Variants in ZNF395 observed in about 807,000 individuals in gnomAD.
ZNF395 encodes zinc finger protein 395.
A neutral mutation model predicts 57.7 loss-of-function variants in ZNF395; 20 were observed. The observed-to-expected ratio is 0.35, with a 90% CI of 0.24 to 0.50. ZNF395 has a LOEUF of 0.50. Among genes scored for constraint, ZNF395 ranks in the 20% least tolerant of loss-of-function variants. The pLI, the probability that ZNF395 is intolerant of heterozygous loss-of-function variation, is 0.97. For synonymous variants in ZNF395, 295 were observed against 275.9 expected, an observed-to-expected ratio of 1.07 and a Z score of -0.69; for missense variants, 606 against 671.2, an observed-to-expected ratio of 0.90 and a Z score of 1.07.
chr8:28,375,447 C>T (rs1394038236), intron 1 of ZNF395: 3 of 151,076 alleles, frequency 2.0e-5, no homozygotes, highest in African/African-American at 4.9e-5. Context: ...CTGAGCAAAA[C>T]TAACTTATGG....
chr8:28,361,258 C>A (rs1384538700), intron 1 of ZNF395, 76 bp from the exon 2 acceptor site: 2 of 1,246,358 alleles, frequency 1.6e-6, no homozygotes, highest in Non-Finnish European at 2.2e-6. Flanking sequence ...AATAAGTGAA[C>A]CCTTTAAAGT....
rs1336625843 is a variant in ZNF395, at chr8:28,348,823, G to T, written c.1438C>A (p.Arg480=). The T allele has an allele frequency of 6.2e-7, 1 of 1,613,946 alleles. No homozygotes were observed. Among genetic ancestry groups the T allele is most frequent in the South Asian group, 1.1e-5 (1 of 91,084 alleles). ...TTGCGGCACTTCTTAGCCTCCCCTC[G>T]GGCTTTCCTGCAGAAAGAGAGGAAT... is the stretch of plus-strand genomic sequence containing the variant. ...PRAQSGARKA[R]GEAKKCRKVY... The change falls in exon 10 of 10, where the codon CGA becomes AGA. Residue 480 remains arginine, a synonymous_variant. Transcript: ENST00000344423.
Position 28,356,876 on chromosome 8 carries a change from A to G in ZNF395, c.474-97T>C. 1 of 935,696 alleles carries G rather than the reference A, an allele frequency of 1.1e-6. No homozygotes were observed. Among genetic ancestry groups the G allele is most frequent in the Non-Finnish European group, 1.6e-6 (1 of 608,810 alleles). The allele number at this position is 935,696 out of a possible 1,614,324, so 58.0% of individuals were successfully genotyped here. The stretch of plus-strand genomic sequence containing the variant: ...CACCACTTCTGGCTGGTTTCACACA[A>G]TCATCTTACACTTCTGGACTGTCCC... On this transcript the variant is annotated intron_variant, in intron 3 of 9. Coordinates refer to ENST00000344423, the MANE Select transcript of ZNF395 (RefSeq NM_018660.3). This position sits in a 1 kb window ranked among gnomAD's most constrained non-coding sequence, Gnocchi z 4.0.
rs1030076061 is a variant in ZNF395, at chr8:28,352,209, G to A, written c.920+364C>T. On this transcript the variant is annotated intron_variant, in intron 6 of 9. Transcript: ENST00000344423. This position sits in a 1 kb window ranked among gnomAD's most constrained non-coding sequence, Gnocchi z 4.0. The stretch of plus-strand genomic sequence containing the variant: ...AGAACACGGCGGAGGCACCAGGGTG[G>A]GGCTAGCGGAGACCCACTCCCAAGG... Among the ~76,000 whole-genome samples, 1 of 152,194 alleles carries A rather than the reference G, an allele frequency of 6.6e-6. No homozygotes were observed. Among genetic ancestry groups the A allele is most frequent in the Non-Finnish European group, 1.5e-5 (1 of 68,026 alleles).
chr8:28,372,782 T>G (rs1429403787), intron 1 of ZNF395, among the ~76,000 whole-genome samples: 1 of 152,140 alleles, frequency 6.6e-6, no homozygotes, highest in Non-Finnish European at 1.5e-5. Context: ...TGAGACCCTG[T>G]CTCAGGGCCG....
chr8:28,348,756 C>T lies in ZNF395; in HGVS notation c.1505G>A (p.Cys502Tyr), dbSNP rs1418780246. 1 of 1,614,126 alleles carries T rather than the reference C, an allele frequency of 6.2e-7. No individual in the cohort carries two copies. The highest frequency in any genetic ancestry group is 1.7e-5 in the Admixed American group (1 of 60,030). The change falls in exon 10 of 10, where the codon TGC (cysteine) becomes TAC (tyrosine). Residue 502 changes from cysteine to tyrosine, a missense_variant. By Grantham distance (194) the Cys-to-Tyr change is radical. Coordinates refer to ENST00000344423, the MANE Select transcript of ZNF395 (RefSeq NM_018660.3). ...GCGCTGGCAGGCCTTCTTCCACCGG[C>T]AGGCCGTGCACCACTGGTCCCGGTG... is the stretch of plus-strand genomic sequence containing the variant. Reference protein sequence around the residue: ...IEHRDQWCTACRWKKACQRFL... With the variant: ...IEHRDQWCTAYRWKKACQRFL...
At chr8:28,381,014 AGTGTGTGTGTGTGTGTGTGTGTGT>A (rs10561721) in intron 1 of ZNF395, among the ~76,000 whole-genome samples, 2 of 134,212 alleles carry the variant, frequency 1.5e-5, no homozygotes, top group Non-Finnish European at 3.2e-5. Flanking sequence ...ACACCCTGCT[AGTGTGTGTGTGTGTGTGTGTGTGT>A]GTGTGTGTGT....
chr8:28,369,592 C>A (rs1200454381), intron 1 of ZNF395, among the ~76,000 whole-genome samples: 1 of 152,210 alleles, frequency 6.6e-6, no homozygotes, highest in African/African-American at 2.4e-5. Context: ...TGACTAGGTG[C>A]CTGCCCCGCT....
rs778473655 is a variant in ZNF395, at chr8:28,351,768, A to G, written c.960T>C (p.Asp320=). Residue 320 remains aspartate, a synonymous_variant, in exon 7 of 10, where the codon GAT becomes GAC. Coordinates refer to ENST00000344423, the MANE Select transcript of ZNF395 (RefSeq NM_018660.3). ...VDSDQFKREE[D]FYYTEVQLKE... ...TCAGCTGCACCTCTGTGTAGTAGAA[A>G]TCCTCCTCCCGCTTGAACTGATCAG... is the stretch of plus-strand genomic sequence containing the variant. 4 of 1,591,022 alleles carry G rather than the reference A, an allele frequency of 2.5e-6. No homozygotes were observed. In the East Asian group the frequency reaches 8.9e-5, roughly 36 times the overall value.
chr8:28,384,689 G>A (rs1315180144), intron 1 of ZNF395, among the ~76,000 whole-genome samples: 2 of 151,910 alleles, frequency 1.3e-5, no homozygotes, highest in Non-Finnish European at 2.9e-5. Context: ...TGGGCCCTAC[G>A]GGTGAGTTAC....
chr8:28,364,414 G>A lies in ZNF395; in HGVS notation c.-58-3232C>T, dbSNP rs147524535. Among the ~76,000 whole-genome samples, 11 of 152,312 alleles carry A rather than the reference G, an allele frequency of 7.2e-5. No individual in the cohort carries two copies. In the Middle Eastern group the frequency reaches 0.014, roughly 188 times the overall value. The stretch of plus-strand genomic sequence containing the variant: ...GCCTGTAATCCCAAACACTTTGGGA[G>A]GCCAAGGCAGGCAGATCACTTGAGG... On this transcript the variant is annotated intron_variant, in intron 1 of 9. Transcript: ENST00000344423.
chr8:28,349,756 G>A (rs1459403729), intron 8 of ZNF395, among the ~76,000 whole-genome samples: 5 of 152,134 alleles, frequency 3.3e-5, no homozygotes, highest in African/African-American at 4.8e-5. Flanking sequence ...AAACACCCAC[G>A]GGCACTAGGA....
chr8:28,357,932 G>A (rs1038278431), intron 3 of ZNF395, among the ~76,000 whole-genome samples: 11 of 152,032 alleles, frequency 7.2e-5, no homozygotes, highest in Non-Finnish European at 1.5e-4. Flanking sequence ...ATATAACATA[G>A]AAATTAGGAT....
At chr8:28,362,578 A>T (rs73230930) in intron 1 of ZNF395, among the ~76,000 whole-genome samples, 1 of 151,410 alleles carries the variant, frequency 6.6e-6, no homozygotes, top group Non-Finnish European at 1.5e-5. Context: ...CCTGAAGAAG[A>T]CACCTGTGGC....
At chr8:28,367,914 A>C (rs1478629761) in intron 1 of ZNF395, among the ~76,000 whole-genome samples, 1 of 152,234 alleles carries the variant, frequency 6.6e-6, no homozygotes, top group African/African-American at 2.4e-5. Context: ...TGCTTCCAAG[A>C]CAGGGTTTCC....
In ZNF395 at chr8:28,359,620, C is replaced by T. The variant is rs181216049; in HGVS notation, c.445G>A (p.Val149Ile). Residue 149 changes from valine (V) to isoleucine (I), a missense_variant, in exon 3 of 10, where the codon GTC becomes ATC. Transcript: ENST00000344423. This position sits in a 1 kb window ranked among gnomAD's most constrained non-coding sequence, Gnocchi z 4.7. ...TTTGGGACATCGATGTTCCTGGAGA[C>T]GGGCCTGTAGGCCAGGGCCTGGGCT... ...PGAQALAYRP[V>I]SRNIDVPKRK... The T allele has an allele frequency of 3.1e-5, 50 of 1,606,210 alleles. No homozygotes were observed. The highest frequency in any genetic ancestry group is 1.2e-4 in the Admixed American group (7 of 59,230).
Position 28,353,162 on chromosome 8 carries a change from C to A in ZNF395, c.819+11G>T, listed in dbSNP as rs779513576. On this transcript the variant is annotated intron_variant, in intron 5 of 9. Coordinates refer to ENST00000344423, the MANE Select transcript of ZNF395 (RefSeq NM_018660.3). The stretch of plus-strand genomic sequence containing the variant: ...CCAGCCTGGGCTCCCACTCACACCA[C>A]AATCACGTACCTTTCTTTTTCGTGG... 1 of 1,613,390 alleles carries A rather than the reference C, an allele frequency of 6.2e-7. No homozygotes were observed. Among genetic ancestry groups the A allele is most frequent in the East Asian group, 2.2e-5 (1 of 44,880 alleles).
rs1380634043 is a variant in ZNF395, at chr8:28,352,165, C to T, written c.921-358G>A. The stretch of plus-strand genomic sequence containing the variant: ...TGAGTCAGCTCCTACCACTAGCAGC[C>T]TGCAAACTCGCTCTGCACAGAACAC... On this transcript the variant is annotated intron_variant, in intron 6 of 9. Transcript: ENST00000344423. This position sits in a 1 kb window ranked among gnomAD's most constrained non-coding sequence, Gnocchi z 4.0. 6.6e-6 allele frequency among the ~76,000 whole-genome samples: 1 copy of T among 152,196 alleles called. No individual in the cohort carries two copies. Among genetic ancestry groups the T allele is most frequent in the Non-Finnish European group, 1.5e-5 (1 of 68,036 alleles).
At chr8:28,384,682 G>A (rs999731373) in intron 1 of ZNF395, among the ~76,000 whole-genome samples, 6 of 151,976 alleles carry the variant, frequency 3.9e-5, no homozygotes, top group African/African-American at 1.5e-4. Flanking sequence ...TTGTCTTTGG[G>A]CCCTACGGGT....
Sources: gnomAD v4.1 joint callset for allele counts (sites outside exome capture counted in the v4.1 genomes callset) on GRCh38, gnomAD v4.1.1 for gene constraint, Gnocchi (gnomAD v3.1) non-coding constraint, MANE v1.5 for transcripts, NCBI Gene and HGNC (gene_info 2026-07-23, HGNC 2026-07-21) for gene names.